Variants in TNS3 observed in about 807,000 individuals in gnomAD.
TNS3 encodes the protein tensin-3.
A neutral mutation model predicts 140.9 loss-of-function variants in TNS3; 45 were observed. That is an observed-to-expected ratio of 0.32 (90% CI 0.25 to 0.41). The LOEUF is 0.41. Ranked by LOEUF, TNS3 falls within the 10% of genes least tolerant of loss-of-function variation. TNS3 has a pLI of 1.00. For missense variants in TNS3, 1,716 were observed against 1,906.7 expected, an observed-to-expected ratio of 0.90 and a Z score of 1.86; for synonymous variants, 815 against 788.4, an observed-to-expected ratio of 1.03 and a Z score of -0.56.
rs556349781 is a variant in TNS3, at chr7:47,488,743, G to A, written c.-114-7602C>T. Among the ~76,000 whole-genome samples, 10 of 152,152 alleles carry A rather than the reference G, an allele frequency of 6.6e-5. No individual in the cohort carries two copies. The South Asian group carries it at 1.7e-3, about 25-fold the overall frequency. Reference sequence around the variant, plus strand: ...AAGGTCTGACAGGACGGGTGGAGACGTCAGGTCGACACAGAACGTTCTGGG... The same window carrying A: ...AAGGTCTGACAGGACGGGTGGAGACATCAGGTCGACACAGAACGTTCTGGG... On this transcript the variant is annotated intron_variant, in intron 3 of 30. Coordinates refer to ENST00000311160, the MANE Select transcript of TNS3 (RefSeq NM_022748.12).
intron 4 of TNS3, among the ~76,000 whole-genome samples, chr7:47,448,250 G>A (rs570728785): frequency 8.3e-4 from 126 of 152,336 alleles, no homozygotes; most frequent in African/African-American, 2.7e-3. Context: ...GGGAGCACAG[G>A]GAGGAGGGAA....
At chr7:47,309,415 A>T (rs181396775) in intron 20 of TNS3, among the ~76,000 whole-genome samples, 149 of 152,312 alleles carry the variant, frequency 9.8e-4, no homozygotes, top group Non-Finnish European at 1.6e-3. Context: ...AAAATATGCT[A>T]TGAGAGTATG....
intron 20 of TNS3, among the ~76,000 whole-genome samples, chr7:47,323,313 C>T (rs1037621111): frequency 6.6e-6 from 1 of 152,176 alleles, no homozygotes; most frequent in Non-Finnish European, 1.5e-5. Context: ...AAAGAAGTGG[C>T]ACATGCTTCC....
intron 4 of TNS3, among the ~76,000 whole-genome samples, chr7:47,451,829 T>C (rs976468086): frequency 2.0e-5 from 3 of 152,180 alleles, no homozygotes; most frequent in Non-Finnish European, 4.4e-5. Flanking sequence ...GCTGGCAAAT[T>C]TCAAGGCATT....
At chr7:47,454,789 T>A (rs980989107) in intron 4 of TNS3, among the ~76,000 whole-genome samples, 1 of 152,060 alleles carries the variant, frequency 6.6e-6, no homozygotes, top group Non-Finnish European at 1.5e-5. Flanking sequence ...GGGGCTCCCA[T>A]CCATAGGCGA....
intron 16 of TNS3, among the ~76,000 whole-genome samples, chr7:47,370,378 T>C (rs1212486500): frequency 6.6e-6 from 1 of 152,230 alleles, no homozygotes; most frequent in Non-Finnish European, 1.5e-5. Flanking sequence ...GTCTTCCTGT[T>C]TGGCACAGCA....
chr7:47,532,341 C>T (rs964460513), intron 1 of TNS3, among the ~76,000 whole-genome samples: 5 of 152,154 alleles, frequency 3.3e-5, no homozygotes, highest in African/African-American at 7.2e-5. Context: ...AGCCCATGGC[C>T]GCCCATGGAC....
At chr7:47,305,517 A>C (rs578088112) in intron 20 of TNS3, among the ~76,000 whole-genome samples, 1 of 152,054 alleles carries the variant, frequency 6.6e-6, no homozygotes, top group East Asian at 1.9e-4. Flanking sequence ...TTTGGTCCCT[A>C]CCCTCCCCCC....
intron 16 of TNS3, among the ~76,000 whole-genome samples, chr7:47,370,455 C>T (rs562066458): frequency 3.3e-5 from 5 of 152,282 alleles, no homozygotes; most frequent in African/African-American, 4.8e-5. Context: ...GACCTGCATG[C>T]GCTGATTTCC....
At chr7:47,313,395 G>A (rs1787216042) in intron 20 of TNS3, among the ~76,000 whole-genome samples, 1 of 152,170 alleles carries the variant, frequency 6.6e-6, no homozygotes, top group Non-Finnish European at 1.5e-5. Context: ...ACTGCTCAGG[G>A]GTCTGGTTCA....
At chr7:47,559,076 T>A (rs6463421) in intron 1 of TNS3, among the ~76,000 whole-genome samples, 1 of 152,370 alleles carries the variant, frequency 6.6e-6, no homozygotes, top group South Asian at 2.1e-4. Context: ...GACAGGCAGG[T>A]CGTGGTGGTT....
chr7:47,297,584 T>C (rs1786114606), intron 23 of TNS3, among the ~76,000 whole-genome samples: 1 of 152,070 alleles, frequency 6.6e-6, no homozygotes, highest in Admixed American at 6.5e-5. Flanking sequence ...GGTCCCCACC[T>C]GACAGCCCAG....
intron 2 of TNS3, among the ~76,000 whole-genome samples, chr7:47,512,438 G>C (rs999494058): frequency 2.0e-5 from 3 of 152,188 alleles, no homozygotes; most frequent in Non-Finnish European, 4.4e-5. Context: ...GCCATGAAAA[G>C]AATAGTTTAC....
At chr7:47,414,286 T>C (rs944003623) in intron 11 of TNS3, among the ~76,000 whole-genome samples, 2 of 152,182 alleles carry the variant, frequency 1.3e-5, no homozygotes, top group Non-Finnish European at 2.9e-5. Flanking sequence ...AAGGTCACTC[T>C]GGCCATAATG....
At position 47,389,104 on chromosome 7, in the gene TNS3, G is replaced by GAA. The variant is rs1562675556; in HGVS notation, c.1024+7695_1024+7696insTT. ...AAGAAGAGGAAGAGGAAGAGGAAGC[G>GAA]GAAGCAGAAGAAGAAGAAGAAGAAG... On this transcript the variant is annotated intron_variant, in intron 16 of 30. Transcript: ENST00000311160. 7.7e-4 allele frequency among the ~76,000 whole-genome samples: 23 copies of GAA among 29,970 alleles called. 6 individuals are homozygous for GAA. The highest frequency in any genetic ancestry group is 4.3e-3 in the African/African-American group (21 of 4,934). The allele number at this position is 29,970 out of a possible 152,430, so 19.7% of individuals were successfully genotyped here. A position where few individuals can be genotyped will look rare whatever the true frequency, so the allele number is the denominator to read the frequency against.
intron 17 of TNS3, among the ~76,000 whole-genome samples, chr7:47,359,008 G>A (rs1790166195): frequency 6.6e-6 from 1 of 152,148 alleles, no homozygotes; most frequent in Non-Finnish European, 1.5e-5. Flanking sequence ...GCAAGTTACA[G>A]AGGTGCCACA....
intron 20 of TNS3, among the ~76,000 whole-genome samples, chr7:47,305,641 C>T (rs140022742): frequency 6.6e-6 from 1 of 152,238 alleles, no homozygotes; most frequent in Non-Finnish European, 1.5e-5. Flanking sequence ...CAGAAGCCAC[C>T]CTCGCAGGTG....
chr7:47,511,664 C>T (rs1325594538), intron 2 of TNS3, among the ~76,000 whole-genome samples: 1 of 151,804 alleles, frequency 6.6e-6, no homozygotes, highest in African/African-American at 2.4e-5. Context: ...GGGTAAGGAC[C>T]CAACTTTGAC....
At chr7:47,481,202 A>G in intron 3 of TNS3, 61 bp from the exon 4 acceptor site, 1 of 1,244,756 alleles carries the variant, frequency 8.0e-7, no homozygotes, top group Non-Finnish European at 1.1e-6. Context: ...TTAGCATAAT[A>G]ATCAAGCCAG....
Sources: gnomAD v4.1 joint callset for allele counts (sites outside exome capture counted in the v4.1 genomes callset) on GRCh38, gnomAD v4.1.1 for gene constraint, MANE v1.5 for transcripts, NCBI Gene and HGNC (gene_info 2026-07-23, HGNC 2026-07-21) for gene names.